Variants in R3HDM2 observed in about 807,000 individuals in gnomAD.
The protein encoded by R3HDM2 is R3H domain-containing protein 2.
R3HDM2 carries 38 observed loss-of-function variants against 124.5 expected under a neutral mutation model. The ratio of observed to expected loss-of-function variants is 0.31; its 90% CI spans 0.24 to 0.40. The LOEUF (loss-of-function observed/expected upper bound fraction) is 0.40, where lower values mean the gene tolerates loss of function less well. Ranked by LOEUF, R3HDM2 falls within the 10% of genes least tolerant of loss-of-function variation. The pLI is 1.00. For missense variants in R3HDM2, 869 were observed against 1,236.9 expected, an observed-to-expected ratio of 0.70 and a Z score of 4.46; for synonymous variants, 391 against 448.0, an observed-to-expected ratio of 0.87 and a Z score of 1.61.
intron 1 of R3HDM2, among the ~76,000 whole-genome samples, chr12:57,428,753 T>A (rs879511353): frequency 0.011 from 1,631 of 152,062 alleles, 25 homozygotes; most frequent in African/African-American, 0.037. Flanking sequence ...CTATTATTTT[T>A]TTTTTTTTTT....
At chr12:57,307,445 C>T (rs1431697686) in intron 3 of R3HDM2, among the ~76,000 whole-genome samples, 5 of 151,058 alleles carry the variant, frequency 3.3e-5, no homozygotes, top group Admixed American at 1.3e-4. Context: ...CTCAGCTTCC[C>T]GAGTAGCTGG....
chr12:57,417,747 A>G (rs2069785869), intron 1 of R3HDM2, among the ~76,000 whole-genome samples: 1 of 152,216 alleles, frequency 6.6e-6, no homozygotes, highest in South Asian at 2.1e-4. Flanking sequence ...CATTCTCTAA[A>G]GAATATAGCA....
At chr12:57,428,514 C>T (rs888973073) in intron 1 of R3HDM2, among the ~76,000 whole-genome samples, 25 of 6,198 alleles carry the variant, frequency 4.0e-3, no homozygotes, top group African/African-American at 0.013. Flanking sequence ...TGGTGGGGGG[C>T]GTGGTGGGGG....
intron 2 of R3HDM2, among the ~76,000 whole-genome samples, chr12:57,380,201 A>G (rs1024855688): frequency 4.6e-5 from 7 of 152,224 alleles, no homozygotes; most frequent in African/African-American, 1.7e-4. Context: ...ACTCAAAGCC[A>G]AGTCTATGAA....
At chr12:57,352,492 CT>C (rs759397684) in intron 2 of R3HDM2, among the ~76,000 whole-genome samples, 362 of 125,008 alleles carry the variant, frequency 2.9e-3, no homozygotes, top group East Asian at 0.01. Flanking sequence ...TAGGCAAACG[CT>C]TTTTTTTTTT....
rs1401164758 is a variant in R3HDM2, at chr12:57,430,786, G to A, written c.-172C>T. Reference sequence around the variant, plus strand: ...CGCCGCCCGGGCCCACGGCCGCTCGGCTGCGGCTCGGCCCCGACGGCCGGC... The same window carrying A: ...CGCCGCCCGGGCCCACGGCCGCTCGACTGCGGCTCGGCCCCGACGGCCGGC... On this transcript the variant is annotated 5_prime_UTR_variant, in exon 1 of 24. Transcript: ENST00000402412. 1 of 157,050 alleles carries A rather than the reference G, an allele frequency of 6.4e-6. No individual in the cohort carries two copies. The highest frequency in any genetic ancestry group is 1.3e-5 in the Non-Finnish European group (1 of 74,366). The allele number at this position is 157,050 out of a possible 1,614,324, so 9.7% of individuals were successfully genotyped here.
chr12:57,387,246 T>G (rs907236698), intron 2 of R3HDM2, among the ~76,000 whole-genome samples: 1 of 152,170 alleles, frequency 6.6e-6, no homozygotes, highest in African/African-American at 2.4e-5. Context: ...TAAATCTTGC[T>G]GCTGCTCACT....
intron 13 of R3HDM2, among the ~76,000 whole-genome samples, chr12:57,281,929 G>C (rs1364718445): frequency 6.6e-6 from 1 of 152,214 alleles, no homozygotes; most frequent in Admixed American, 6.5e-5. Flanking sequence ...GTCAGGAAAG[G>C]ATTTAAAGAG....
chr12:57,401,172 G>A (rs77036707), intron 1 of R3HDM2, among the ~76,000 whole-genome samples: 324 of 151,106 alleles, frequency 2.1e-3, no homozygotes, highest in Admixed American at 6.1e-3. Context: ...AAGAAGTGCA[G>A]TTCGTCTCAA....
At chr12:57,421,595 T>C (rs1422725468) in intron 1 of R3HDM2, among the ~76,000 whole-genome samples, 2 of 151,058 alleles carry the variant, frequency 1.3e-5, no homozygotes, top group African/African-American at 2.4e-5. Context: ...GCAGCCTTGA[T>C]TCCCAGGTTT....
chr12:57,255,581 T>C (rs1484503407), intron 23 of R3HDM2, among the ~76,000 whole-genome samples: 1 of 152,158 alleles, frequency 6.6e-6, no homozygotes, highest in Non-Finnish European at 1.5e-5. Context: ...GTTTAGGAAA[T>C]TGCTCCAAAT....
intron 19 of R3HDM2, among the ~76,000 whole-genome samples, chr12:57,265,517 AAAAAAAAG>A (rs2042107668): frequency 7.7e-6 from 1 of 130,698 alleles, no homozygotes; most frequent in African/African-American, 3.1e-5. Flanking sequence ...TTCAGAAAAC[AAAAAAAAG>A]AAAAAAAGAA....
rs1234330875 is a variant in R3HDM2, at chr12:57,300,021, T to C, written c.294+74A>G. ...CCCTGATTTTCAAGTCTGATGTTGC[T>C]GTGACTGCCATACTACATCTTACCA... On this transcript the variant is annotated intron_variant, in intron 5 of 23. Transcript: ENST00000402412. The C allele has an allele frequency of 5.4e-6, 6 of 1,111,934 alleles. No homozygotes were observed. In the Admixed American group the frequency reaches 1.2e-4, roughly 23 times the overall value. 68.9% of individuals were successfully genotyped at this position (1,111,934 alleles called of 1,614,324 possible).
chr12:57,389,359 C>T (rs1232588679), intron 2 of R3HDM2, among the ~76,000 whole-genome samples: 1 of 152,196 alleles, frequency 6.6e-6, no homozygotes, highest in Non-Finnish European at 1.5e-5. Context: ...AAGACGAGCA[C>T]AGAGGCAGCT....
chr12:57,386,444 T>C (rs1392544660), intron 2 of R3HDM2, among the ~76,000 whole-genome samples: 1 of 152,244 alleles, frequency 6.6e-6, no homozygotes, highest in African/African-American at 2.4e-5. Context: ...AGTGAGGGGC[T>C]TAGCACCTGG....
chr12:57,269,554 G>A (rs944423183), intron 15 of R3HDM2, 105 bp from the exon 16 acceptor site: 29 of 1,498,314 alleles, frequency 1.9e-5, no homozygotes, highest in African/African-American at 7.0e-5. Flanking sequence ...ATATGTAAAC[G>A]GAGATATTTT....
chr12:57,378,751 A>C (rs947485788), intron 2 of R3HDM2, among the ~76,000 whole-genome samples: 12 of 152,186 alleles, frequency 7.9e-5, no homozygotes, highest in African/African-American at 2.4e-5. Flanking sequence ...AAGAATTGAA[A>C]ATAGGGTCTC....
At chr12:57,371,019 C>G (rs2063293396) in intron 2 of R3HDM2, among the ~76,000 whole-genome samples, 1 of 139,690 alleles carries the variant, frequency 7.2e-6, no homozygotes, top group Middle Eastern at 4.4e-3. Flanking sequence ...AAAATTTGTT[C>G]TGGTTCAAAA....
chr12:57,409,527 A>G (rs1202109986), intron 1 of R3HDM2, among the ~76,000 whole-genome samples: 1 of 149,924 alleles, frequency 6.7e-6, no homozygotes, highest in Non-Finnish European at 1.5e-5. Context: ...AAAAAAAAAG[A>G]AAAAGAAAAA....
Sources: gnomAD v4.1 joint callset for allele counts (sites outside exome capture counted in the v4.1 genomes callset) on GRCh38, gnomAD v4.1.1 for gene constraint, MANE v1.5 for transcripts, NCBI Gene and HGNC (gene_info 2026-07-23, HGNC 2026-07-21) for gene names.